Variants in PUDP observed in about 807,000 individuals in gnomAD.
PUDP encodes the protein pseudouridine 5'-phosphatase.
Under a neutral mutation model 9.4 loss-of-function variants are expected in PUDP, and 8 were observed. The observed-to-expected ratio is 0.85, with a 90% CI of 0.50 to 1.53. PUDP has a LOEUF of 1.53. Ranked by LOEUF, PUDP falls within the 40% of genes most tolerant of loss-of-function variation. PUDP has a pLI of 0.00. For synonymous variants in PUDP, 99 were observed against 80.7 expected (o/e 1.23, Z -1.22); for missense variants, 188 against 189.7 (o/e 0.99, Z 0.05).
chrX:6,840,981 T>TA (rs760612708), intron 3 of PUDP, among the ~76,000 whole-genome samples: 2 of 111,898 alleles, frequency 1.8e-5, no homozygotes, highest in South Asian at 3.7e-4. Flanking sequence ...AAAAAACATT[T>TA]AAAAAATGCA....
intron 3 of PUDP, among the ~76,000 whole-genome samples, chrX:6,755,883 A>G (rs1191198860): frequency 1.8e-5 from 2 of 111,263 alleles, no homozygotes; most frequent in Admixed American, 9.6e-5. Flanking sequence ...GAACAAAAAA[A>G]AAAATAATGA....
At chrX:6,873,601 C>T (rs1569114705) in intron 3 of PUDP, among the ~76,000 whole-genome samples, 3 of 111,763 alleles carry the variant, frequency 2.7e-5, no homozygotes, top group Admixed American at 1.9e-4. Context: ...TATATAATGT[C>T]ATATCCTATG....
intron 3 of PUDP, among the ~76,000 whole-genome samples, chrX:6,781,387 A>G (rs1035390187): frequency 4.5e-5 from 5 of 111,862 alleles, no homozygotes; most frequent in Admixed American, 9.5e-5. Flanking sequence ...GACATGATCA[A>G]TCTGTGTCAC....
intron 3 of PUDP, among the ~76,000 whole-genome samples, chrX:6,857,195 C>T (rs1409976605): frequency 8.9e-6 from 1 of 112,764 alleles, no homozygotes; most frequent in Non-Finnish European, 1.9e-5. Context: ...ATGGGAAATA[C>T]TTTCAGGCAG....
At chrX:6,762,865 C>T (rs1602610028) in intron 3 of PUDP, among the ~76,000 whole-genome samples, 1 of 111,766 alleles carries the variant, frequency 8.9e-6, no homozygotes, top group East Asian at 2.8e-4. Flanking sequence ...TCTTATATTC[C>T]TTTCTTCTTT....
At chrX:6,995,032 G>A (rs187681893) in intron 1 of PUDP, among the ~76,000 whole-genome samples, 5 of 111,704 alleles carry the variant, frequency 4.5e-5, no homozygotes, top group African/African-American at 1.6e-4. Context: ...GCACAAAACT[G>A]TGAAGGAATC....
chrX:7,066,684 T>C (rs980735542), intron 3 of PUDP, among the ~76,000 whole-genome samples: 6 of 111,351 alleles, frequency 5.4e-5, no homozygotes, highest in African/African-American at 1.6e-4. Context: ...GGCCAGGGGA[T>C]TGGGGACTCC....
At chrX:6,865,326 A>G (rs957159169) in intron 3 of PUDP, among the ~76,000 whole-genome samples, 2 of 112,199 alleles carry the variant, frequency 1.8e-5, no homozygotes, top group East Asian at 5.5e-4. Flanking sequence ...ACATAAAATC[A>G]TCTCAACCTC....
chrX:7,077,681 C>T (rs1444212294), intron 2 of PUDP, among the ~76,000 whole-genome samples: 4 of 112,348 alleles, frequency 3.6e-5, no homozygotes, highest in African/African-American at 1.3e-4. Context: ...CGATACGTTT[C>T]CCAAAGGAAC....
chrX:6,996,703 C>T (rs1273246555), intron 1 of PUDP, among the ~76,000 whole-genome samples: 4 of 102,925 alleles, frequency 3.9e-5, no homozygotes, highest in Admixed American at 2.2e-4. Flanking sequence ...CTCTTGCTGC[C>T]CAGGCTGGAG....
At chrX:6,965,294 T>C (rs199565237) in intron 3 of PUDP, among the ~76,000 whole-genome samples, 59 of 60,201 alleles carry the variant, frequency 9.8e-4, no homozygotes, top group Non-Finnish European at 1.8e-3. Flanking sequence ...TTTTAAACAC[T>C]GGAGAGGAGA....
chrX:6,951,235 T>C (rs767000607), intron 3 of PUDP, among the ~76,000 whole-genome samples: 1 of 88,084 alleles, frequency 1.1e-5, no homozygotes, highest in African/African-American at 3.8e-5. Flanking sequence ...CATCCATCCA[T>C]CCATCCATCA....
At chrX:6,861,509 T>C (rs929831074) in intron 3 of PUDP, among the ~76,000 whole-genome samples, 2 of 112,049 alleles carry the variant, frequency 1.8e-5, no homozygotes, top group Admixed American at 9.5e-5. Context: ...TTATGCAATA[T>C]TAAAAATGAA....
intron 3 of PUDP, among the ~76,000 whole-genome samples, chrX:6,908,063 T>C (rs758898229): frequency 6.0e-4 from 67 of 112,241 alleles, no homozygotes; most frequent in African/African-American, 2.0e-3. Flanking sequence ...AGGTCCAGCT[T>C]TGGGGCAAAC....
At position 6,813,594 on chromosome X, in the gene PUDP, A is replaced by C. The variant is rs963826479; in HGVS notation, c.*248-107128T>G. 5.4e-5 allele frequency among the ~76,000 whole-genome samples: 6 copies of C among 111,082 alleles called. No homozygotes were observed. The Admixed American group carries it at 5.8e-4, about 11-fold the overall frequency. ...GTAGCAAAAAATTGGAAAACAGAAAAATGGAATCTGGTGACACTTGAGACT... is the reference window on the plus strand; with the variant it reads ...GTAGCAAAAAATTGGAAAACAGAAACATGGAATCTGGTGACACTTGAGACT... On this transcript the variant is annotated intron_variant and NMD_transcript_variant, in intron 3 of 3. Transcript: ENST00000655425.
intron 1 of PUDP, among the ~76,000 whole-genome samples, chrX:7,002,532 G>A (rs1929341119): frequency 9.0e-6 from 1 of 111,596 alleles, no homozygotes; most frequent in African/African-American, 3.3e-5. Context: ...GGGAGAGTGG[G>A]TTATTACTGG....
chrX:6,877,058 C>T (rs894787407), intron 3 of PUDP, among the ~76,000 whole-genome samples: 7 of 109,918 alleles, frequency 6.4e-5, no homozygotes, highest in African/African-American at 2.3e-4. Flanking sequence ...TAGCCTGGAA[C>T]TCCTGGGTTC....
At chrX:7,067,648 C>T (rs369172362) in intron 3 of PUDP, among the ~76,000 whole-genome samples, 7 of 111,547 alleles carry the variant, frequency 6.3e-5, no homozygotes, top group African/African-American at 1.6e-4. Flanking sequence ...ACAAGGATCA[C>T]GAGACTAAGT....
chrX:7,024,903 C>A (rs1285054419), intron 1 of PUDP, among the ~76,000 whole-genome samples: 3 of 109,309 alleles, frequency 2.7e-5, no homozygotes, highest in Non-Finnish European at 5.7e-5. Flanking sequence ...CATAACCTAG[C>A]CTTCTTTGTC....
Sources: gnomAD v4.1 joint callset for allele counts (sites outside exome capture counted in the v4.1 genomes callset) on GRCh38, gnomAD v4.1.1 for gene constraint, MANE v1.5 for transcripts, NCBI Gene and HGNC (gene_info 2026-07-23, HGNC 2026-07-21) for gene names.